Variants in TNR observed in about 807,000 individuals in gnomAD.
The protein encoded by TNR is tenascin R, also known as tenascin-R.
Under a neutral mutation model 150.4 loss-of-function variants are expected in TNR, and 45 were observed. That is an observed-to-expected ratio of 0.30 (90% confidence interval 0.24 to 0.38). The LOEUF is 0.38. Ranked by LOEUF, TNR falls within the 10% of genes least tolerant of loss-of-function variation. The pLI is 1.00. For missense variants in TNR, 1,544 were observed against 1,759.1 expected, an observed-to-expected ratio of 0.88 and a Z score of 2.19; for synonymous variants, 687 against 678.4, an observed-to-expected ratio of 1.01 and a Z score of -0.20.
At chr1:175,737,510 G>T (rs561207216) in intron 1 of TNR, among the ~76,000 whole-genome samples, 132 of 152,274 alleles carry the variant, frequency 8.7e-4, no homozygotes, top group African/African-American at 2.7e-3. Flanking sequence ...TGAATTTTTA[G>T]GTGGACTAGG....
intron 2 of TNR, among the ~76,000 whole-genome samples, chr1:175,484,647 T>C (rs1657935609): frequency 6.6e-6 from 1 of 152,218 alleles, no homozygotes; most frequent in African/African-American, 2.4e-5. Context: ...GTTTGGCTTT[T>C]TGCTCCTGGC....
chr1:175,664,358 C>G (rs549465095), intron 1 of TNR, among the ~76,000 whole-genome samples: 2 of 152,260 alleles, frequency 1.3e-5, no homozygotes, highest in South Asian at 4.2e-4. Context: ...AGAGGGGCCT[C>G]TTGCCAAACA....
chr1:175,733,581 G>A (rs1002162822), intron 1 of TNR, among the ~76,000 whole-genome samples: 2 of 152,162 alleles, frequency 1.3e-5, no homozygotes, highest in Non-Finnish European at 2.9e-5. Context: ...TAGGGGTAGA[G>A]GGGAGGGCAT....
At chr1:175,582,267 G>T (rs1662378885) in intron 1 of TNR, among the ~76,000 whole-genome samples, 1 of 152,194 alleles carries the variant, frequency 6.6e-6, no homozygotes, top group Non-Finnish European at 1.5e-5. Flanking sequence ...TTGAGTTCTT[G>T]AAAGCCAATA....
intron 1 of TNR, among the ~76,000 whole-genome samples, chr1:175,611,983 A>G (rs183393278): frequency 6.6e-6 from 1 of 152,278 alleles, no homozygotes; most frequent in Non-Finnish European, 1.5e-5. Flanking sequence ...CAAATACTCA[A>G]TCTCCTTCCA....
chr1:175,654,539 A>C (rs996760370), intron 1 of TNR, among the ~76,000 whole-genome samples: 1 of 152,060 alleles, frequency 6.6e-6, no homozygotes, highest in Non-Finnish European at 1.5e-5. Context: ...AACACATTAC[A>C]GGTATCCCAA....
At position 175,583,950 on chromosome 1, in the gene TNR, A is replaced by T. The variant is rs539359889; in HGVS notation, c.-164-55581T>A. On this transcript the variant is annotated intron_variant, in intron 1 of 22. Coordinates refer to ENST00000367674, the MANE Select transcript of TNR (RefSeq NM_003285.3). ...CACACCAGAAGAGCCAGCACAGGGA[A>T]GCCAAGGAGTGTGGGGATCTAGTCC... Among the ~76,000 whole-genome samples, 4 of 152,330 alleles carry T rather than the reference A, an allele frequency of 2.6e-5. No homozygotes were observed. In the South Asian group the frequency reaches 8.3e-4, roughly 32 times the overall value.
intron 1 of TNR, among the ~76,000 whole-genome samples, chr1:175,725,062 G>T (rs1457254316): frequency 1.3e-5 from 2 of 152,158 alleles, no homozygotes; most frequent in Admixed American, 1.3e-4. Context: ...AAGATCAATG[G>T]GAAGTGCTTG....
chr1:175,378,986 C>A (rs546662600), intron 9 of TNR, among the ~76,000 whole-genome samples: 2 of 152,266 alleles, frequency 1.3e-5, no homozygotes, highest in South Asian at 4.1e-4. Flanking sequence ...TTGTGACCAG[C>A]CTGACCAACA....
At chr1:175,492,901 G>A (rs1490620182) in intron 2 of TNR, among the ~76,000 whole-genome samples, 2 of 152,118 alleles carry the variant, frequency 1.3e-5, no homozygotes, top group Non-Finnish European at 2.9e-5. Flanking sequence ...GCCTCCAGAG[G>A]CACATTTAAT....
chr1:175,456,031 G>A (rs144726012), intron 2 of TNR, among the ~76,000 whole-genome samples: 123 of 152,286 alleles, frequency 8.1e-4, no homozygotes, highest in African/African-American at 2.6e-3. Flanking sequence ...CCTCACCTAC[G>A]TGCCAGCTCT....
intron 20 of TNR, among the ~76,000 whole-genome samples, chr1:175,331,045 CTTTCTTTCTTTCTTTCTTTCT>C (rs1649771365): frequency 1.1e-5 from 1 of 89,328 alleles, no homozygotes; most frequent in Non-Finnish European, 2.3e-5. Context: ...TTCTTTCTTT[CTTTCTTTCTTTCTTTCTTTCT>C]TTCTTTCTTT....
chr1:175,577,088 A>C (rs959611613), intron 1 of TNR, among the ~76,000 whole-genome samples: 1 of 152,130 alleles, frequency 6.6e-6, no homozygotes, highest in Non-Finnish European at 1.5e-5. Flanking sequence ...TGTTATTCTC[A>C]TCTGGCAGGG....
At chr1:175,633,596 A>T (rs995503793) in intron 1 of TNR, among the ~76,000 whole-genome samples, 4 of 152,212 alleles carry the variant, frequency 2.6e-5, no homozygotes, top group Non-Finnish European at 5.9e-5. Context: ...TTAATTACCA[A>T]ATCTCACAGC....
intron 2 of TNR, among the ~76,000 whole-genome samples, chr1:175,426,303 C>T (rs959475894): frequency 3.9e-5 from 6 of 152,114 alleles, no homozygotes; most frequent in African/African-American, 7.2e-5. Context: ...AGGGGTGTTG[C>T]TTCTTGCTCC....
At chr1:175,664,696 A>G (rs1665479912) in intron 1 of TNR, among the ~76,000 whole-genome samples, 1 of 152,354 alleles carries the variant, frequency 6.6e-6, no homozygotes, top group Non-Finnish European at 1.5e-5. Flanking sequence ...AGATGTCAAC[A>G]TTTACATAAA....
chr1:175,347,270 C>G (rs191910626), intron 18 of TNR, among the ~76,000 whole-genome samples: 26 of 152,134 alleles, frequency 1.7e-4, no homozygotes, highest in Admixed American at 1.2e-3. Context: ...AAGCTTATTA[C>G]AAAAACTCTT....
intron 1 of TNR, among the ~76,000 whole-genome samples, chr1:175,638,182 T>C (rs956811880): frequency 1.3e-5 from 2 of 152,196 alleles, no homozygotes. Flanking sequence ...GGAGTAGAGA[T>C]AGCAAGAACA....
chr1:175,349,991 G>A (rs1650980593), intron 18 of TNR, among the ~76,000 whole-genome samples: 1 of 152,244 alleles, frequency 6.6e-6, no homozygotes, highest in African/African-American at 2.4e-5. Context: ...TCTGAGGATA[G>A]ATAGCCGTGG....
Sources: gnomAD v4.1 joint callset for allele counts (sites outside exome capture counted in the v4.1 genomes callset) on GRCh38, gnomAD v4.1.1 for gene constraint, MANE v1.5 for transcripts, NCBI Gene and HGNC (gene_info 2026-07-23, HGNC 2026-07-21) for gene names.